Variants in SLC38A4 observed in about 807,000 individuals in gnomAD.
SLC38A4 encodes sodium-coupled neutral amino acid transporter 4.
Under a neutral mutation model 63.1 loss-of-function variants are expected in SLC38A4, and 20 were observed. The ratio of observed to expected loss-of-function variants is 0.32; its 90% CI spans 0.22 to 0.46. SLC38A4 has a LOEUF of 0.46. Ranked by LOEUF, SLC38A4 falls within the 20% of genes least tolerant of loss-of-function variation. The pLI, the probability that SLC38A4 is intolerant of heterozygous loss-of-function variation, is 1.00. For missense variants in SLC38A4, 526 were observed against 663.6 expected (o/e 0.79, Z 2.28); for synonymous variants, 230 against 225.5 (o/e 1.02, Z -0.18).
rs1817421003 is a variant in SLC38A4, at chr12:46,768,406, C to T, written c.1446G>A (p.Gly482=). ...PTIKYIFGFI[G]ASSATMLIFI... is the part of the protein sequence containing the mutation. ...AAATCAGCATAGTGGCAGAAGAAGC[C>T]CCTGAGAAGACAAACACAGGGCAAG... is the stretch of plus-strand genomic sequence containing the variant. The change falls in exon 16 of 17, where the codon GGG becomes GGA. Residue 482 remains glycine (G), a splice_region_variant and synonymous_variant. Transcript: ENST00000266579. 1.3e-5 allele frequency: 21 copies of T among 1,607,968 alleles called. No homozygotes were observed. The highest frequency in any genetic ancestry group is 1.8e-5 in the Non-Finnish European group (21 of 1,176,786).
chr12:46,812,114 C>T (rs1242903858), intron 1 of SLC38A4, among the ~76,000 whole-genome samples: 2 of 151,822 alleles, frequency 1.3e-5, no homozygotes, highest in African/African-American at 2.4e-5. Flanking sequence ...CATTTATATT[C>T]CTTAATTATT....
In SLC38A4 at chr12:46,778,318, C is replaced by A; in HGVS notation, c.1044G>T (p.Glu348Asp). The change falls in exon 12 of 17, where the codon GAG becomes GAT. Residue 348 changes from glutamate to aspartate, a missense_variant. Glu to Asp is a conservative substitution (Grantham distance 45). Coordinates refer to ENST00000266579, the MANE Select transcript of SLC38A4 (RefSeq NM_018018.5). ...TAAGTTCACTGTAGATGGGAAGGACCTCAGGGTGGCATACAAAAGCAAATA... is the reference window on the plus strand; with the variant it reads ...TAAGTTCACTGTAGATGGGAAGGACATCAGGGTGGCATACAAAAGCAAATA... ...ILVFAFVCHP[E>D]VLPIYSELKD... The A allele has an allele frequency of 1.2e-6, 2 of 1,612,564 alleles. No homozygotes were observed. Among genetic ancestry groups the A allele is most frequent in the Non-Finnish European group, 1.7e-6 (2 of 1,179,114 alleles).
At position 46,788,018 on chromosome 12, in the gene SLC38A4, G is replaced by A; in HGVS notation, c.224C>T (p.Thr75Ile). 1 of 1,613,688 alleles carries A rather than the reference G, an allele frequency of 6.2e-7. No homozygotes were observed. Among genetic ancestry groups the A allele is most frequent in the South Asian group, 1.1e-5 (1 of 91,062 alleles). ...DYADEHHPGT[T>I]SFGMSSFNLS... is the part of the protein sequence containing the mutation. ...GTTAAATGAAGACATTCCAAAGGAA[G>A]TGGTTCCGGGATGCTTGAAAAAGAA... Residue 75 changes from threonine to isoleucine, a missense_variant, in exon 5 of 17, where the codon ACT becomes ATT. Transcript: ENST00000266579.
At position 46,787,927 on chromosome 12, in the gene SLC38A4, G is replaced by A. The variant is rs1220147145; in HGVS notation, c.315C>T (p.Ile105=). The A allele has an allele frequency of 6.2e-7, 1 of 1,611,738 alleles. No individual in the cohort carries two copies. The highest frequency in any genetic ancestry group is 1.3e-5 in the African/African-American group (1 of 74,846). Residue 105 remains isoleucine (I), a synonymous_variant, in exon 5 of 17, where the codon ATC becomes ATT. Coordinates refer to ENST00000266579, the MANE Select transcript of SLC38A4 (RefSeq NM_018018.5). ...GLSYAMANTG[I]ILFIIMLLAV... ...ATACATTCACTTACATAAAAAGTAT[G>A]ATCCCTGTGTTGGCCATGGCATAGG... is the stretch of plus-strand genomic sequence containing the variant.
At chr12:46,829,044 A>G (rs549391470), upstream of SLC38A4, among the ~76,000 whole-genome samples, 1 of 152,166 alleles carries the variant, frequency 6.6e-6, no homozygotes, top group Non-Finnish European at 1.5e-5. Flanking sequence ...TTTGCATAGG[A>G]TGAATTTTAT....
rs1938295114 is a variant in SLC38A4 at position 46,766,179 on chromosome 12, C to G, written c.*522G>C. The stretch of plus-strand genomic sequence containing the variant: ...GACTGGTGTTTGACCATTCATGTAC[C>G]TTACAGAAACAGAAACAGTTCCTAA... On this transcript the variant is annotated 3_prime_UTR_variant, in exon 17 of 17. Coordinates refer to ENST00000266579, the MANE Select transcript of SLC38A4 (RefSeq NM_018018.5). The G allele has an allele frequency of 3.0e-6, 1 of 338,648 alleles. No homozygotes were observed. The highest frequency in any genetic ancestry group is 5.8e-6 in the Non-Finnish European group (1 of 171,438). The allele number at this position is 338,648 out of a possible 1,614,324, so 21.0% of individuals were successfully genotyped here.
chr12:46,829,041 A>G (rs1332892535), upstream of SLC38A4, among the ~76,000 whole-genome samples: 2 of 152,234 alleles, frequency 1.3e-5, no homozygotes, highest in African/African-American at 4.8e-5. Flanking sequence ...GCTTTTGCAT[A>G]GGATGAATTT....
rs1391889052 is a variant in SLC38A4, at chr12:46,775,181, A to C, written c.1175-8T>G. ...ATTCATCTTCAACTTCTCCTACAAC[A>C]GGAAAAAGAGAATGAAACCGCTTGG... On this transcript the variant is annotated splice_polypyrimidine_tract_variant and splice_region_variant and intron_variant, in intron 13 of 16. Transcript: ENST00000266579. 1 of 1,610,214 alleles carries C rather than the reference A, an allele frequency of 6.2e-7. No homozygotes were observed. Among genetic ancestry groups the C allele is most frequent in the Admixed American group, 1.7e-5 (1 of 59,586 alleles).
intron 2 of SLC38A4, among the ~76,000 whole-genome samples, chr12:46,794,299 A>G (rs2079787): frequency 0.2 from 29,828 of 152,088 alleles, 3,701 homozygotes; most frequent in East Asian, 0.39. Context: ...ATTACAAAAC[A>G]TATAGAACAC....
chr12:46,796,478 C>T (rs911138962), intron 2 of SLC38A4, among the ~76,000 whole-genome samples: 3 of 152,208 alleles, frequency 2.0e-5, no homozygotes, highest in Admixed American at 6.5e-5. Flanking sequence ...CAGAGCGCAT[C>T]GATTAGCTTG....
At chr12:46,796,745 C>T (rs2429469) in intron 2 of SLC38A4, among the ~76,000 whole-genome samples, 1,666 of 82,580 alleles carry the variant, frequency 0.02, 13 homozygotes, top group Non-Finnish European at 0.049. Flanking sequence ...CTTATCCTAG[C>T]ATCCTCCCTT....
At chr12:46,773,883 C>T (rs2120753254) in intron 14 of SLC38A4, among the ~76,000 whole-genome samples, 1 of 152,132 alleles carries the variant, frequency 6.6e-6, no homozygotes, top group South Asian at 2.1e-4. Flanking sequence ...TTACACTGTG[C>T]CAAAATTTAG....
chr12:46,815,036 T>C (rs1410433547), intron 1 of SLC38A4, among the ~76,000 whole-genome samples: 1 of 151,738 alleles, frequency 6.6e-6, no homozygotes, highest in Non-Finnish European at 1.5e-5. Flanking sequence ...TACCATGGCT[T>C]TGTGGCATGA....
At chr12:46,782,120 T>A (rs1335219850) in intron 7 of SLC38A4, among the ~76,000 whole-genome samples, 1 of 152,074 alleles carries the variant, frequency 6.6e-6, no homozygotes, top group African/African-American at 2.4e-5. Context: ...GGCTGAATTT[T>A]ACTTATCTGC....
chr12:46,785,302 T>G, intron 5 of SLC38A4, 125 bp from the exon 6 acceptor site: 1 of 732,294 alleles, frequency 1.4e-6, no homozygotes, highest in Non-Finnish European at 2.3e-6. Context: ...GTATGTGGAT[T>G]TGGGGGAGGC....
At chr12:46,830,732 G>C (rs1193857393), upstream of SLC38A4, among the ~76,000 whole-genome samples, 3 of 152,168 alleles carry the variant, frequency 2.0e-5, no homozygotes, top group Non-Finnish European at 2.9e-5. Context: ...GAGTCTGCGG[G>C]AAGTGCCTGC....
chr12:46,773,732 T>C (rs1411730685), intron 14 of SLC38A4, among the ~76,000 whole-genome samples: 12 of 152,084 alleles, frequency 7.9e-5, no homozygotes, highest in Admixed American at 7.9e-4. Context: ...AGTTGAACTG[T>C]TACCAGCTGT....
At chr12:46,807,623 A>G (rs1163646370) in intron 1 of SLC38A4, among the ~76,000 whole-genome samples, 1 of 151,998 alleles carries the variant, frequency 6.6e-6, no homozygotes, top group Non-Finnish European at 1.5e-5. Context: ...CTCTTTTAAT[A>G]TAGATACTTG....
At chr12:46,773,397 A>G (rs1938458899) in intron 14 of SLC38A4, among the ~76,000 whole-genome samples, 1 of 152,078 alleles carries the variant, frequency 6.6e-6, no homozygotes, top group Admixed American at 6.6e-5. Flanking sequence ...TAAATGTAAC[A>G]TTGCAAGGGT....
Sources: gnomAD v4.1 joint callset for allele counts (sites outside exome capture counted in the v4.1 genomes callset) on GRCh38, gnomAD v4.1.1 for gene constraint, MANE v1.5 for transcripts, NCBI Gene and HGNC (gene_info 2026-07-23, HGNC 2026-07-21) for gene names.